DMD: variants seen among roughly 807,000 people sequenced by gnomAD.
DMD encodes the protein mutant dystrophin.
In DMD, 63 loss-of-function variants were observed where a neutral mutation model predicts 330.1. That is an observed-to-expected ratio of 0.19 (90% CI 0.16 to 0.24). The LOEUF (loss-of-function observed/expected upper bound fraction) is 0.24, where lower values mean the gene tolerates loss of function less well. Among genes scored for constraint, DMD ranks in the 10% least tolerant of loss-of-function variants. The pLI, the probability that DMD is intolerant of heterozygous loss-of-function variation, is 1.00. For synonymous variants in DMD, 1,223 were observed against 959.8 expected (o/e 1.27, Z -5.07); for missense variants, 3,344 against 2,684.1 (o/e 1.25, Z -5.43).
At chrX:32,752,232 G>A (rs1381702279) in intron 7 of DMD, among the ~76,000 whole-genome samples, 1 of 111,561 alleles carries the variant, frequency 9.0e-6, no homozygotes, top group East Asian at 2.9e-4. Flanking sequence ...GCCAGCTCAT[G>A]AAAGCATCCA....
chrX:32,572,634 C>T (rs1471394054), intron 15 of DMD, among the ~76,000 whole-genome samples: 2 of 108,465 alleles, frequency 1.8e-5, no homozygotes, highest in Non-Finnish European at 3.8e-5. Context: ...CATTTATTGC[C>T]AAAGAAATCT....
At chrX:32,556,520 C>G (rs1350604216) in intron 16 of DMD, among the ~76,000 whole-genome samples, 1 of 111,257 alleles carries the variant, frequency 9.0e-6, no homozygotes, top group Non-Finnish European at 1.9e-5. Context: ...TGTATCATTG[C>G]AACACTATAC....
chrX:32,764,207 A>G (rs1160128937), intron 7 of DMD, among the ~76,000 whole-genome samples: 1 of 111,162 alleles, frequency 9.0e-6, no homozygotes, highest in Non-Finnish European at 1.9e-5. Context: ...CAACTACATT[A>G]AATTTACACT....
intron 51 of DMD, among the ~76,000 whole-genome samples, chrX:31,761,988 A>G (rs183356878): frequency 8.9e-6 from 1 of 112,454 alleles, no homozygotes; most frequent in East Asian, 2.8e-4. Context: ...TAACTAAGTT[A>G]CCAATTTTCA....
Position 32,973,350 on chromosome X carries a change from A to T in DMD, c.93+46789T>A, listed in dbSNP as rs1029047083. Among the ~76,000 whole-genome samples the T allele has an allele frequency of 3.6e-5, 4 of 112,294 alleles. No homozygotes were observed. The Admixed American group carries it at 3.8e-4, about 11-fold the overall frequency. On this transcript the variant is annotated intron_variant, in intron 2 of 78. Coordinates refer to ENST00000357033, the MANE Select transcript of DMD (RefSeq NM_004006.3). ...GGTCCCAAAACTCATTGGCAAATGG[A>T]AAGGTAGGGTCTATGTCCTTTCCTC...
At chrX:32,873,741 C>A (rs184891756) in intron 2 of DMD, among the ~76,000 whole-genome samples, 1 of 112,111 alleles carries the variant, frequency 8.9e-6, no homozygotes, top group Non-Finnish European at 1.9e-5. Flanking sequence ...AAACCCTTTG[C>A]TTCTCCAAAG....
Position 32,432,064 on chromosome X carries a change from C to T in DMD, c.4071+6177G>A, listed in dbSNP as rs182389420. ...TCTTTACCCTTTGTGATAATATACA[C>T]TCAAGAGTTCCTCACCTTACAAGAA... On this transcript the variant is annotated intron_variant, in intron 29 of 78. Coordinates refer to ENST00000357033, the MANE Select transcript of DMD (RefSeq NM_004006.3). Among the ~76,000 whole-genome samples the T allele has an allele frequency of 8.0e-5, 9 of 112,110 alleles. No individual in the cohort carries two copies. In the East Asian group the frequency reaches 2.5e-3, roughly 31 times the overall value.
At chrX:32,650,224 C>A (rs1039367347) in intron 9 of DMD, among the ~76,000 whole-genome samples, 1 of 111,973 alleles carries the variant, frequency 8.9e-6, no homozygotes, top group African/African-American at 3.2e-5. Context: ...TGGATTTTGG[C>A]AATTTATCTA....
At chrX:31,398,978 C>G (rs767927539) in intron 60 of DMD, among the ~76,000 whole-genome samples, 2 of 109,589 alleles carry the variant, frequency 1.8e-5, no homozygotes, top group Non-Finnish European at 3.8e-5. Context: ...GAGTGAACAC[C>G]GTACGGGCCC....
rs1188414704 is a variant in DMD, at chrX:33,251,074, G to A, written c.7+88185C>T. On this transcript the variant is annotated intron_variant, in intron 1 of 17. Transcript: ENST00000288447. ...ATGGTGTTTATTTTTTCTACTTGCTGAGCCCGTACTTTGGAATTATATATT... is the reference window on the plus strand; with the variant it reads ...ATGGTGTTTATTTTTTCTACTTGCTAAGCCCGTACTTTGGAATTATATATT... Among the ~76,000 whole-genome samples the A allele has an allele frequency of 4.5e-5, 5 of 110,706 alleles. No individual in the cohort carries two copies. In the South Asian group the frequency reaches 1.5e-3, roughly 34 times the overall value.
At chrX:32,025,418 A>G (rs1261996237) in intron 44 of DMD, among the ~76,000 whole-genome samples, 1 of 111,852 alleles carries the variant, frequency 8.9e-6, no homozygotes, top group African/African-American at 3.2e-5. Flanking sequence ...GTCCCTGGCC[A>G]TATTACCATT....
At chrX:32,822,746 A>C (rs748742489) in intron 5 of DMD, among the ~76,000 whole-genome samples, 1 of 110,734 alleles carries the variant, frequency 9.0e-6, no homozygotes, top group East Asian at 2.9e-4. Flanking sequence ...TCTTTTCCAC[A>C]AATCCTTCAA....
intron 1 of DMD, among the ~76,000 whole-genome samples, chrX:33,335,874 T>C (rs1300575593): frequency 2.7e-5 from 3 of 111,091 alleles, no homozygotes; most frequent in African/African-American, 9.8e-5. Flanking sequence ...GACTCTTATG[T>C]CAAACAGCAA....
At chrX:32,423,911 C>T in intron 29 of DMD, among the ~76,000 whole-genome samples, 2 of 110,576 alleles carry the variant, frequency 1.8e-5, no homozygotes, top group South Asian at 7.6e-4. Flanking sequence ...ATCCCTTTCT[C>T]AAATAACAAA....
chrX:33,191,170 C>A (rs2050620568), intron 1 of DMD, among the ~76,000 whole-genome samples: 1 of 102,050 alleles, frequency 9.8e-6, no homozygotes, highest in Non-Finnish European at 2.0e-5. Flanking sequence ...TTGTCTTTTT[C>A]ATTCCTAATG....
At chrX:31,642,439 T>G (rs2079825243) in intron 54 of DMD, among the ~76,000 whole-genome samples, 1 of 112,222 alleles carries the variant, frequency 8.9e-6, no homozygotes, top group South Asian at 3.7e-4. Flanking sequence ...TTTTCCAAAA[T>G]AAAACATTTG....
At chrX:32,863,537 T>TACACACACACACACACACACACACAC (rs199774174) in intron 2 of DMD, among the ~76,000 whole-genome samples, 12 of 78,237 alleles carry the variant, frequency 1.5e-4, no homozygotes, top group African/African-American at 7.5e-4. Context: ...ATTGTGTTTA[T>TACACACACACACACACACACACACAC]ACACACACAC....
chrX:33,299,030 T>C (rs2053624177), intron 1 of DMD, among the ~76,000 whole-genome samples: 2 of 111,860 alleles, frequency 1.8e-5, no homozygotes, highest in Middle Eastern at 9.3e-3. Context: ...TATTTCATAA[T>C]AGGTACAGAG....
At chrX:32,595,606 C>T in intron 13 of DMD, 151 bp downstream of exon 13, 1 of 528,015 alleles carries the variant, frequency 1.9e-6, no homozygotes, top group South Asian at 3.3e-5. Flanking sequence ...TAAATCACAG[C>T]ACTTCAGCTG....
Sources: gnomAD v4.1 joint callset for allele counts (sites outside exome capture counted in the v4.1 genomes callset) on GRCh38, gnomAD v4.1.1 for gene constraint, MANE v1.5 for transcripts, NCBI Gene and HGNC (gene_info 2026-07-23, HGNC 2026-07-21) for gene names.